The following TOM1L1 variants were observed in gnomAD, a reference collection of about 807,000 sequenced individuals.
TOM1L1 encodes TOM1-like protein 1.
A neutral mutation model predicts 63.4 loss-of-function variants in TOM1L1; 64 were observed. The ratio of observed to expected loss-of-function variants is 1.01; its 90% CI spans 0.83 to 1.24. The LOEUF (loss-of-function observed/expected upper bound fraction) is 1.24, where lower values mean the gene tolerates loss of function less well. Ranked by LOEUF, TOM1L1 falls within the 50% of genes most tolerant of loss-of-function variation. The probability of loss-of-function intolerance (pLI) is 0.00; values close to 1 mark genes in which losing one functional copy is unlikely to be tolerated. For missense variants in TOM1L1, 536 were observed against 567.0 expected, an observed-to-expected ratio of 0.95 and a Z score of 0.55; for synonymous variants, 166 against 194.4, an observed-to-expected ratio of 0.85 and a Z score of 1.22.
At chr17:54,946,195 G>A (rs1039139012) in intron 11 of TOM1L1, among the ~76,000 whole-genome samples, 5 of 152,160 alleles carry the variant, frequency 3.3e-5, no homozygotes, top group African/African-American at 7.2e-5. Context: ...ACTTCTCACC[G>A]TTTTTGACAT....
intron 14 of TOM1L1, chr17:54,954,672 T>C (rs1428960601): frequency 6.6e-6 from 1 of 152,112 alleles, no homozygotes; most frequent in Non-Finnish European, 1.5e-5. Context: ...TTGGAGGGGG[T>C]AGTAAAGGGA....
chr17:54,913,944 A>G, intron 5 of TOM1L1, 71 bp downstream of exon 5: 1 of 1,491,814 alleles, frequency 6.7e-7, no homozygotes, highest in South Asian at 1.3e-5. Context: ...ATTACAGGAG[A>G]CAACCCTAAA....
In TOM1L1 at chr17:54,960,612, A is replaced by T. The variant is rs1404436142; in HGVS notation, c.1417A>T (p.Asn473Tyr). The T allele has an allele frequency of 6.2e-7, 1 of 1,612,026 alleles. No homozygotes were observed. The highest frequency in any genetic ancestry group is 1.7e-5 in the Admixed American group (1 of 60,014). Residue 473 changes from asparagine to tyrosine, a missense_variant, in exon 15 of 16, where the codon AAT (asparagine) becomes TAT (tyrosine). By Grantham distance (143) the Asn-to-Tyr change is moderately radical (BLOSUM62 -2). Transcript: ENST00000575882. ...TGCTCACCAGCACAAAGGAGCTCAA[A>T]ATGATGGTGACTGAGGTAAAGACTT... The part of the protein sequence containing the change: ...IDAHQHKGAQ[N>Y]DGD
chr17:54,930,803 C>T (rs775053722), intron 8 of TOM1L1, among the ~76,000 whole-genome samples: 6 of 152,052 alleles, frequency 3.9e-5, no homozygotes, highest in Admixed American at 2.0e-4. Flanking sequence ...GATCATGCCA[C>T]TGCACTTCAG....
chr17:54,958,748 A>AAAAAAAAG lies in TOM1L1; in HGVS notation c.1371-1818_1371-1817insAAAAAAAG, dbSNP rs372776781. 5.3e-3 allele frequency among the ~76,000 whole-genome samples: 628 copies of AAAAAAAAG among 118,866 alleles called. 21 individuals carry two copies. Among genetic ancestry groups the AAAAAAAAG allele is most frequent in the African/African-American group, 0.018 (577 of 32,118 alleles). The allele number at this position is 118,866 out of a possible 152,430, so 78.0% of individuals were successfully genotyped here. On this transcript the variant is annotated intron_variant, in intron 14 of 15. Coordinates refer to ENST00000575882, the MANE Select transcript of TOM1L1 (RefSeq NM_005486.3). ...TCCATCTCAAAAAAAAAAAAAAAAA[A>AAAAAAAAG]GGGGTTGTTGGTAGCTAGAGGATAC...
At chr17:54,941,132 C>T (rs1052904094) in intron 11 of TOM1L1, among the ~76,000 whole-genome samples, 9 of 152,060 alleles carry the variant, frequency 5.9e-5, no homozygotes, top group Non-Finnish European at 1.3e-4. Context: ...TTTCTTTCTC[C>T]GTTATTCAAT....
intron 7 of TOM1L1, among the ~76,000 whole-genome samples, chr17:54,918,810 G>T (rs968315461): frequency 1.3e-5 from 2 of 152,194 alleles, no homozygotes; most frequent in African/African-American, 2.4e-5. Context: ...GATGCATAAA[G>T]TTCACTGATA....
intron 3 of TOM1L1, among the ~76,000 whole-genome samples, chr17:54,910,871 G>A (rs17745123): frequency 1.3e-5 from 2 of 151,892 alleles, no homozygotes; most frequent in Admixed American, 6.6e-5. Flanking sequence ...ATATGCTGCC[G>A]CTTTATGTAT....
intron 9 of TOM1L1, 127 bp from the exon 10 acceptor site, chr17:54,936,982 C>T (rs940199461): frequency 7.4e-6 from 6 of 814,234 alleles, no homozygotes; most frequent in Admixed American, 2.3e-5. Flanking sequence ...TAATGTTGCT[C>T]GTTGAGTGGA....
intron 8 of TOM1L1, among the ~76,000 whole-genome samples, chr17:54,933,286 C>T (rs530286611): frequency 1.3e-5 from 2 of 152,336 alleles, no homozygotes; most frequent in South Asian, 2.1e-4. Flanking sequence ...ACTCTTACTT[C>T]CACTTCTGCC....
chr17:54,938,767 G>T, intron 10 of TOM1L1, 157 bp from the exon 11 acceptor site: 1 of 514,028 alleles, frequency 1.9e-6, no homozygotes. Flanking sequence ...CATGATTTTA[G>T]GGTGACAGAA....
At position 54,949,551 on chromosome 17, in the gene TOM1L1, C is replaced by T. The variant is rs774557737; in HGVS notation, c.1216C>T (p.Pro406Ser). 3 of 1,613,908 alleles carry T rather than the reference C, an allele frequency of 1.9e-6. No individual in the cohort carries two copies. Among genetic ancestry groups the T allele is most frequent in the Non-Finnish European group, 2.5e-6 (3 of 1,179,876 alleles). ...LEHSNSVFLQ[P>S]VSLQTIAAAP... ...ACATTCAAATTCAGTGTTTCTACAG[C>T]CAGTTAGTCTACAAACCATTGCAGC... The change falls in exon 13 of 16, where the codon CCA becomes TCA. Residue 406 changes from proline (P) to serine (S), a missense_variant. Physicochemically the swap from Pro to Ser is moderately conservative, Grantham distance 74 (BLOSUM62 -1). Coordinates refer to ENST00000575882, the MANE Select transcript of TOM1L1 (RefSeq NM_005486.3).
chr17:54,915,596 A>G, intron 6 of TOM1L1, 150 bp from the exon 7 acceptor site: 1 of 467,424 alleles, frequency 2.1e-6, no homozygotes, highest in Non-Finnish European at 3.7e-6. Context: ...AAATAACTAT[A>G]TGTATATTTA....
intron 14 of TOM1L1, chr17:54,954,889 A>G (rs1392337659): frequency 1.3e-5 from 2 of 152,206 alleles, no homozygotes; most frequent in Admixed American, 6.5e-5. Flanking sequence ...AAAAAGTCCA[A>G]TTGGAGAGTT....
chr17:54,941,175 C>T (rs1221485733), intron 11 of TOM1L1, among the ~76,000 whole-genome samples: 1 of 152,116 alleles, frequency 6.6e-6, no homozygotes, highest in African/African-American at 2.4e-5. Flanking sequence ...TGTTCTGAAC[C>T]TTTTGTTTTT....
intron 7 of TOM1L1, among the ~76,000 whole-genome samples, chr17:54,927,135 T>C (rs898128659): frequency 5.9e-5 from 9 of 152,234 alleles, no homozygotes; most frequent in African/African-American, 9.6e-5. Context: ...GCAAGTTAAG[T>C]TGAAAAATGT....
intron 3 of TOM1L1, chr17:54,906,668 A>G (rs539733581): frequency 5.9e-6 from 4 of 681,426 alleles, no homozygotes; most frequent in African/African-American, 2.0e-5. Context: ...AGAATGTTCT[A>G]TGTTGGTTTA....
chr17:54,908,230 A>G (rs1349130201), intron 3 of TOM1L1, among the ~76,000 whole-genome samples: 1 of 152,206 alleles, frequency 6.6e-6, no homozygotes, highest in Admixed American at 6.5e-5. Context: ...CATTAAAGTC[A>G]GGAAAAACAT....
intron 7 of TOM1L1, chr17:54,916,664 GT>G (rs2048594919): frequency 6.6e-6 from 1 of 152,064 alleles, no homozygotes; most frequent in South Asian, 2.1e-4. Flanking sequence ...CACCTCTCAT[GT>G]TATTTTTCCT....
Sources: gnomAD v4.1 joint callset for allele counts (sites outside exome capture counted in the v4.1 genomes callset) on GRCh38, gnomAD v4.1.1 for gene constraint, MANE v1.5 for transcripts, NCBI Gene and HGNC (gene_info 2026-07-23, HGNC 2026-07-21) for gene names.